RFX8: variants seen among roughly 807,000 people sequenced by gnomAD.
RFX8 encodes regulatory factor X8.
Under a neutral mutation model 54.6 loss-of-function variants are expected in RFX8, and 46 were observed. The ratio of observed to expected loss-of-function variants is 0.84; its 90% CI spans 0.67 to 1.08. The LOEUF is 1.08. Ranked by LOEUF, RFX8 falls within the 50% of genes least tolerant of loss-of-function variation. RFX8 has a pLI of 0.00. For missense variants in RFX8, 536 were observed against 562.3 expected (o/e 0.95, Z 0.47); for synonymous variants, 192 against 209.5 (o/e 0.92, Z 0.72).
chr2:101,434,353 T>C (rs1393884279), intron 2 of RFX8, among the ~76,000 whole-genome samples: 2 of 152,218 alleles, frequency 1.3e-5, no homozygotes, highest in East Asian at 1.9e-4. Flanking sequence ...GTTTTCTGCA[T>C]TGGGGCCATT....
chr2:101,427,481 G>C (rs1687242830), intron 2 of RFX8, among the ~76,000 whole-genome samples: 1 of 152,178 alleles, frequency 6.6e-6, no homozygotes, highest in Non-Finnish European at 1.5e-5. Context: ...GAAAAGGGAA[G>C]GAATGGATTC....
chr2:101,463,784 CA>C, intron 2 of RFX8, among the ~76,000 whole-genome samples: 1 of 152,246 alleles, frequency 6.6e-6, no homozygotes, highest in Non-Finnish European at 1.5e-5. Context: ...GGTCAGGCCA[CA>C]CCTGGTGAGC....
At chr2:101,463,162 A>C (rs11904192) in intron 2 of RFX8, among the ~76,000 whole-genome samples, 52,549 of 152,124 alleles carry the variant, frequency 0.35, 9,748 homozygotes, top group African/African-American at 0.44. Flanking sequence ...CATGCCATAA[A>C]GTGAATTGTG....
intron 2 of RFX8, among the ~76,000 whole-genome samples, chr2:101,435,548 A>G (rs921899486): frequency 6.6e-6 from 1 of 152,210 alleles, no homozygotes; most frequent in Admixed American, 6.5e-5. Context: ...ATGCACGCAC[A>G]TATACACACG....
chr2:101,463,488 T>C (rs1195964447), intron 2 of RFX8, among the ~76,000 whole-genome samples: 1 of 152,160 alleles, frequency 6.6e-6, no homozygotes, highest in African/African-American at 2.4e-5. Flanking sequence ...TGAGAATGGC[T>C]GCGACCTCTC....
intron 6 of RFX8, among the ~76,000 whole-genome samples, chr2:101,416,449 C>T (rs933465896): frequency 4.6e-5 from 7 of 152,046 alleles, no homozygotes; most frequent in Admixed American, 1.3e-4. Context: ...GGCGTGGGGT[C>T]GGGAGGAGTG....
rs1406203016 is a variant in RFX8, at chr2:101,466,883, C to CAGA, written c.-38_-36dup. ...AGGGACGCTGCACTCTTCGCAAATG[C>CAGA]AGAAGTTGTCGACCAACCTGGAGGA... On this transcript the variant is annotated 5_prime_UTR_variant, in exon 2 of 12. Transcript: ENST00000428343. The CAGA allele has an allele frequency of 6.6e-7, 1 of 1,508,424 alleles. No homozygotes were observed. The highest frequency in any genetic ancestry group is 9.0e-7 in the Non-Finnish European group (1 of 1,107,730). The allele number at this position is 1,508,424 out of a possible 1,614,324, so 93.4% of individuals were successfully genotyped here. A position where few individuals can be genotyped will look rare whatever the true frequency, so the allele number is the denominator to read the frequency against.
At chr2:101,441,830 AT>A (rs1313530933) in intron 2 of RFX8, among the ~76,000 whole-genome samples, 1 of 151,968 alleles carries the variant, frequency 6.6e-6, no homozygotes, top group African/African-American at 2.4e-5. Context: ...TACTTGAGTC[AT>A]TTTTTTCTTT....
Position 101,440,119 on chromosome 2 carries a change from T to C in RFX8, c.73-17647A>G, listed in dbSNP as rs1013659635. Among the ~76,000 whole-genome samples the C allele has an allele frequency of 1.2e-4, 16 of 138,138 alleles. No homozygotes were observed. The East Asian group carries it at 3.1e-3, about 27-fold the overall frequency. The allele number at this position is 138,138 out of a possible 152,430, so 90.6% of individuals were successfully genotyped here. A position where few individuals can be genotyped will look rare whatever the true frequency, so the allele number is the denominator to read the frequency against. ...TCTTGCTGAGATTTTAAAAAAAAAC[T>C]CATTGAGAGATAATTCATATACCAT... On this transcript the variant is annotated intron_variant, in intron 2 of 11. Transcript: ENST00000428343.
At chr2:101,474,271 G>T (rs968235878) in intron 1 of RFX8, 11 of 596,928 alleles carry the variant, frequency 1.8e-5, no homozygotes, top group Non-Finnish European at 3.3e-5. Flanking sequence ...CACCCCCTCG[G>T]CCATGGCTCG....
At chr2:101,429,749 T>C (rs1262320397) in intron 2 of RFX8, among the ~76,000 whole-genome samples, 6 of 152,156 alleles carry the variant, frequency 3.9e-5, no homozygotes, top group African/African-American at 1.4e-4. Context: ...TCCTCATGCC[T>C]GATGGTTTCA....
intron 2 of RFX8, among the ~76,000 whole-genome samples, chr2:101,452,813 TA>T (rs1381162601): frequency 6.6e-6 from 1 of 151,588 alleles, no homozygotes; most frequent in Non-Finnish European, 1.5e-5. Context: ...TGGTCTCTAC[TA>T]CAAATACAAA....
intron 2 of RFX8, among the ~76,000 whole-genome samples, chr2:101,453,447 G>A (rs1457099540): frequency 6.6e-6 from 1 of 151,942 alleles, no homozygotes; most frequent in Admixed American, 6.6e-5. Context: ...AGATCAGCCT[G>A]GTCAACATGG....
intron 2 of RFX8, among the ~76,000 whole-genome samples, chr2:101,436,703 G>A (rs938301): frequency 6.6e-6 from 1 of 151,974 alleles, no homozygotes; most frequent in Non-Finnish European, 1.5e-5. Flanking sequence ...CAATAGAGAT[G>A]GCATTCGTAA....
At chr2:101,415,049 T>A in intron 6 of RFX8, 137 bp from the exon 7 acceptor site, 1 of 641,190 alleles carries the variant, frequency 1.6e-6, no homozygotes, top group Non-Finnish European at 2.8e-6. Flanking sequence ...CCGTGTCTGC[T>A]GGCCCTCTCT....
intron 6 of RFX8, among the ~76,000 whole-genome samples, chr2:101,416,026 G>C (rs1038429321): frequency 6.6e-5 from 10 of 152,218 alleles, no homozygotes; most frequent in African/African-American, 2.4e-4. Flanking sequence ...TTGGGTCATG[G>C]GAGTCCCTTG....
rs1455157385 is a variant in RFX8, at chr2:101,466,803, G to C, written c.46C>G (p.Gln16Glu). ...TTCCCAAAGGTGGCCGGGTTGACTT[G>C]GTTCTCAGTGTTTTGCCCACAGGTC... ...VETCGQNTEN[Q>E]VNPATFGKCE... Residue 16 changes from glutamine (Q) to glutamate (E), a missense_variant, in exon 2 of 12, where the codon CAA becomes GAA. Transcript: ENST00000428343. 1.9e-6 allele frequency: 3 copies of C among 1,551,458 alleles called. No individual in the cohort carries two copies. Among genetic ancestry groups the C allele is most frequent in the Non-Finnish European group, 1.7e-6 (2 of 1,146,794 alleles).
rs1245050342 is a variant in RFX8 at position 101,418,917 on chromosome 2, T to C, written c.285A>G (p.Thr95=). The change falls in exon 5 of 12, where the codon ACA becomes ACG. Residue 95 remains threonine, a synonymous_variant. Coordinates refer to ENST00000428343, the MANE Select transcript of RFX8 (RefSeq NM_001145664.2). ...CGTCAGGCAATGACATCAGCATGACTGTGTCTTGCTGCAGAGACTTCCAGA... is the reference window on the plus strand; with the variant it reads ...CGTCAGGCAATGACATCAGCATGACCGTGTCTTGCTGCAGAGACTTCCAGA... ...TSFWKSLQQD[T]VMLMSLPDVC... 3 of 1,551,350 alleles carry C rather than the reference T, an allele frequency of 1.9e-6. No homozygotes were observed. Among genetic ancestry groups the C allele is most frequent in the Non-Finnish European group, 2.6e-6 (3 of 1,146,674 alleles).
At chr2:101,411,559 G>A (rs1265851446) in intron 8 of RFX8, among the ~76,000 whole-genome samples, 1 of 152,148 alleles carries the variant, frequency 6.6e-6, no homozygotes, top group Non-Finnish European at 1.5e-5. Flanking sequence ...GGCAAGAGGA[G>A]GTTTTGGTTA....
Sources: allele counts gnomAD v4.1 joint callset (sites outside exome capture counted in the v4.1 genomes callset), GRCh38; gene constraint gnomAD v4.1.1; transcripts MANE v1.5; gene names NCBI Gene and HGNC (gene_info 2026-07-23, HGNC 2026-07-21).